SND1: variants seen among roughly 807,000 people sequenced by gnomAD.
SND1 encodes the protein staphylococcal nuclease domain-containing protein 1.
SND1 carries 38 observed loss-of-function variants against 121.7 expected under a neutral mutation model. The observed-to-expected ratio is 0.31, with a 90% CI of 0.24 to 0.41. The LOEUF is 0.41. Ranked by LOEUF, SND1 falls within the 10% of genes least tolerant of loss-of-function variation. The probability of loss-of-function intolerance (pLI) is 1.00; values close to 1 mark genes in which losing one functional copy is unlikely to be tolerated. For missense variants in SND1, 868 were observed against 1,184.6 expected, an observed-to-expected ratio of 0.73 and a Z score of 3.92; for synonymous variants, 401 against 447.4, an observed-to-expected ratio of 0.90 and a Z score of 1.31.
intron 10 of SND1, among the ~76,000 whole-genome samples, chr7:127,749,043 GTTT>G (rs5887354): frequency 3.4e-5 from 4 of 116,504 alleles, no homozygotes; most frequent in Admixed American, 9.8e-5. Context: ...TTTTTCTTTC[GTTT>G]TTTTTTTTTT....
intron 20 of SND1, chr7:128,086,696 C>T: frequency 3.4e-6 from 2 of 584,344 alleles, no homozygotes; most frequent in Non-Finnish European, 6.1e-6. Context: ...ATGGGAACCA[C>T]TAGGTGTGCC....
intron 10 of SND1, among the ~76,000 whole-genome samples, chr7:127,774,500 A>G (rs1366229753): frequency 6.6e-6 from 1 of 152,080 alleles, no homozygotes; most frequent in African/African-American, 2.4e-5. Context: ...ACTCACCCAA[A>G]TTAACTTCCC....
At chr7:127,690,944 GTGGCAATGA>G (rs571880512) in intron 2 of SND1, among the ~76,000 whole-genome samples, 3 of 152,278 alleles carry the variant, frequency 2.0e-5, no homozygotes, top group Non-Finnish European at 4.4e-5. Flanking sequence ...CTTAAGTCCT[GTGGCAATGA>G]AAGCAGCCCC....
At position 127,815,428 on chromosome 7, in the gene SND1, C is replaced by T. The variant is rs147107144; in HGVS notation, c.1242+7855C>T. Reference sequence around the variant, plus strand: ...TCACTTGAGCCTAGGAGTTGGAGGCCGCAGTGAACCATGATCATGCCACTG... The same window carrying T: ...TCACTTGAGCCTAGGAGTTGGAGGCTGCAGTGAACCATGATCATGCCACTG... On this transcript the variant is annotated intron_variant, in intron 11 of 23. Coordinates refer to ENST00000354725, the MANE Select transcript of SND1 (RefSeq NM_014390.4). Among the ~76,000 whole-genome samples, 148 of 151,974 alleles carry T rather than the reference C, an allele frequency of 9.7e-4. 1 individual carries two copies. The highest frequency in any genetic ancestry group is 3.4e-3 in the Middle Eastern group (1 of 294).
At position 128,052,554 on chromosome 7, in the gene SND1, C is replaced by T. The variant is rs943431371; in HGVS notation, c.1780-21948C>T. Among the ~76,000 whole-genome samples the T allele has an allele frequency of 5.3e-5, 8 of 152,360 alleles. No homozygotes were observed. Among genetic ancestry groups the T allele is most frequent in the Middle Eastern group, 3.4e-3 (1 of 294 alleles). On this transcript the variant is annotated intron_variant, in intron 16 of 23. Transcript: ENST00000354725. The surrounding 1 kb of genome is among the most constrained non-coding windows in gnomAD (Gnocchi z 4.6). ...CCAGACAGAGCTGTCTTCCAAGTCA[C>T]GGATGTTGACGAGGCCTGTGTGTGT...
rs1800910938 is a variant in SND1 at position 127,929,216 on chromosome 7, C to G, written c.1556C>G (p.Pro519Arg). Residue 519 changes from proline (P) to arginine (R), a missense_variant, in exon 15 of 24, where the codon CCT becomes CGT. By Grantham distance (103) the Pro-to-Arg change is moderately radical. Coordinates refer to ENST00000354725, the MANE Select transcript of SND1 (RefSeq NM_014390.4). ...ACCCAAAAAGCAAAGCAGTTCCTGCCTTTTCTTCAGCGGGCAGGTCGTTCT... is the reference window on the plus strand; with the variant it reads ...ACCCAAAAAGCAAAGCAGTTCCTGCGTTTTCTTCAGCGGGCAGGTCGTTCT... ...GDTQKAKQFL[P>R]FLQRAGRSEA... 6.2e-7 allele frequency: 1 copy of G among 1,614,006 alleles called. No homozygotes were observed.
rs545566865 is a variant in SND1, at chr7:127,778,304, C to A, written c.1153-29180C>A. ...CCACCTCCCGGGTTCAAGCAATTCC[C>A]TGGCCTCAGCCTCCCAAGTAGCTGG... On this transcript the variant is annotated intron_variant, in intron 10 of 23. Transcript: ENST00000354725. Among the ~76,000 whole-genome samples the A allele has an allele frequency of 1.1e-4, 17 of 152,236 alleles. No individual in the cohort carries two copies. In the East Asian group the frequency reaches 3.3e-3, roughly 29 times the overall value.
intron 10 of SND1, among the ~76,000 whole-genome samples, chr7:127,794,999 C>T (rs1430614199): frequency 2.0e-5 from 3 of 152,208 alleles, no homozygotes; most frequent in African/African-American, 7.2e-5. Flanking sequence ...TTGAAGGCTT[C>T]TTTCTCTCTG....
At chr7:127,852,053 G>T (rs996122556) in intron 12 of SND1, among the ~76,000 whole-genome samples, 6 of 152,126 alleles carry the variant, frequency 3.9e-5, no homozygotes, top group Non-Finnish European at 5.9e-5. Flanking sequence ...TGAGCTATTC[G>T]GAAGGCTGAG....
chr7:128,087,576 T>C (rs1009561515), intron 21 of SND1, among the ~76,000 whole-genome samples: 1 of 152,094 alleles, frequency 6.6e-6, no homozygotes, highest in African/African-American at 2.4e-5. Context: ...GGGTTTCTTA[T>C]GTGTGGATGT....
intron 14 of SND1, among the ~76,000 whole-genome samples, chr7:127,922,630 C>T (rs1800743750): frequency 6.6e-6 from 1 of 152,154 alleles, no homozygotes; most frequent in Non-Finnish European, 1.5e-5. Context: ...TTGTTTTCTT[C>T]CATATGTTGG....
At chr7:128,034,453 C>G (rs920704032) in intron 16 of SND1, among the ~76,000 whole-genome samples, 3 of 152,116 alleles carry the variant, frequency 2.0e-5, no homozygotes, top group Admixed American at 2.0e-4. Flanking sequence ...TGGCCAGGGT[C>G]TGGATGGCAG....
chr7:127,863,996 AGT>A (rs1204849973), intron 12 of SND1, among the ~76,000 whole-genome samples: 1 of 152,196 alleles, frequency 6.6e-6, no homozygotes, highest in East Asian at 1.9e-4. Flanking sequence ...TACCTCAAGA[AGT>A]GTCTCTATTG....
chr7:127,915,031 T>G (rs1408710687), intron 14 of SND1, among the ~76,000 whole-genome samples: 1 of 152,148 alleles, frequency 6.6e-6, no homozygotes, highest in Non-Finnish European at 1.5e-5. Flanking sequence ...CATTATTTTT[T>G]TTTGAGACAG....
intron 15 of SND1, among the ~76,000 whole-genome samples, chr7:127,940,907 AG>A (rs1226476494): frequency 6.6e-6 from 1 of 152,256 alleles, no homozygotes. Context: ...TCATAGTTTC[AG>A]TCCTGGCACT....
chr7:127,910,607 T>G (rs1027809468), intron 14 of SND1, among the ~76,000 whole-genome samples: 1 of 152,206 alleles, frequency 6.6e-6, no homozygotes, highest in Non-Finnish European at 1.5e-5. Flanking sequence ...TTTATTTTTC[T>G]TACCCTCATA....
intron 11 of SND1, among the ~76,000 whole-genome samples, chr7:127,839,723 A>C (rs1165953023): frequency 2.6e-5 from 4 of 152,164 alleles, no homozygotes; most frequent in Admixed American, 2.6e-4. Flanking sequence ...TCTATAATCT[A>C]ATAGACGAAG....
chr7:127,948,229 C>T (rs1801377115), intron 15 of SND1, among the ~76,000 whole-genome samples: 2 of 152,160 alleles, frequency 1.3e-5, no homozygotes, highest in Non-Finnish European at 2.9e-5. Context: ...TTCTCTGATT[C>T]TCATTGTCTG....
At chr7:127,739,742 C>CCCTGGAAGCCTATTTCTTGT (rs1796842809) in intron 10 of SND1, among the ~76,000 whole-genome samples, 1 of 152,162 alleles carries the variant, frequency 6.6e-6, no homozygotes, top group African/African-American at 2.4e-5. Context: ...GGTCCTCTTG[C>CCCTGGAAGCCTATTTCTTGT]CCTGGAAGCC....
Sources: allele counts gnomAD v4.1 joint callset (sites outside exome capture counted in the v4.1 genomes callset), GRCh38; gene constraint gnomAD v4.1.1; non-coding constraint Gnocchi (gnomAD v3.1); transcripts MANE v1.5; gene names NCBI Gene and HGNC (gene_info 2026-07-23, HGNC 2026-07-21).